Variants in IGF1R observed in about 807,000 individuals in gnomAD.
IGF1R encodes the protein insulin like growth factor 1 receptor.
A neutral mutation model predicts 144.6 loss-of-function variants in IGF1R; 44 were observed. The observed-to-expected ratio is 0.30, with a 90% CI of 0.24 to 0.39. IGF1R has a LOEUF of 0.39. Ranked by LOEUF, IGF1R falls within the 10% of genes least tolerant of loss-of-function variation. IGF1R has a pLI of 1.00. For synonymous variants in IGF1R, 795 were observed against 722.8 expected (o/e 1.10, Z -1.60); for missense variants, 1,355 against 1,833.7 (o/e 0.74, Z 4.77).
At chr15:98,791,340 T>A (rs1408957180) in intron 2 of IGF1R, among the ~76,000 whole-genome samples, 2 of 152,230 alleles carry the variant, frequency 1.3e-5, no homozygotes, top group African/African-American at 4.8e-5. Flanking sequence ...TCCTCTAATA[T>A]TTAGTTTTTA....
intron 2 of IGF1R, among the ~76,000 whole-genome samples, chr15:98,823,273 A>G (rs1468551966): frequency 6.6e-6 from 1 of 152,236 alleles, no homozygotes; most frequent in Non-Finnish European, 1.5e-5. Flanking sequence ...AGGAAGCCGA[A>G]ATGCAAACAA....
intron 2 of IGF1R, among the ~76,000 whole-genome samples, chr15:98,751,553 T>G (rs554595998): frequency 6.6e-6 from 1 of 152,238 alleles, no homozygotes; most frequent in African/African-American, 2.4e-5. Context: ...TCCCCATTGT[T>G]GGGCATTTGC....
intron 2 of IGF1R, among the ~76,000 whole-genome samples, chr15:98,831,861 T>C (rs533015124): frequency 3.0e-4 from 46 of 152,270 alleles, no homozygotes; most frequent in Admixed American, 1.2e-3. Flanking sequence ...TCCTCAGTCT[T>C]GAGCTGGTGG....
chr15:98,906,046 C>T (rs79490218), intron 5 of IGF1R, among the ~76,000 whole-genome samples: 5 of 152,190 alleles, frequency 3.3e-5, no homozygotes. Flanking sequence ...ATATTGGTAT[C>T]CTGGCTCCCA....
intron 2 of IGF1R, among the ~76,000 whole-genome samples, chr15:98,778,217 G>T (rs144598538): frequency 6.6e-6 from 1 of 152,134 alleles, no homozygotes; most frequent in African/African-American, 2.4e-5. Context: ...CGTGGTCCTC[G>T]GAGTCATGCC....
At chr15:98,654,453 G>A (rs1296487194) in intron 1 of IGF1R, among the ~76,000 whole-genome samples, 1 of 152,132 alleles carries the variant, frequency 6.6e-6, no homozygotes, top group Non-Finnish European at 1.5e-5. Context: ...TAGCTTTCTA[G>A]AAATCAGGAA....
Position 98,963,747 on chromosome 15 carries a change from CTATTT to C in IGF1R, c.*6311_*6315del, listed in dbSNP as rs1412571281. ...GCTTTGTTAGAACACAGAAGAGACC[CTATTT>C]TATTTAAGGCAGAACCCCGAAGATA... is the stretch of plus-strand genomic sequence containing the variant. On this transcript the variant is annotated 3_prime_UTR_variant, in exon 21 of 21. Coordinates refer to ENST00000650285, the MANE Select transcript of IGF1R (RefSeq NM_000875.5). The C allele has an allele frequency of 1.1e-4, 26 of 233,014 alleles. No homozygotes were observed. Among genetic ancestry groups the C allele is most frequent in the Admixed American group, 1.7e-4 (3 of 17,770 alleles). 14.4% of individuals were successfully genotyped at this position (233,014 alleles called of 1,614,324 possible).
chr15:98,888,024 C>T (rs149392006), intron 2 of IGF1R, among the ~76,000 whole-genome samples: 2,803 of 152,372 alleles, frequency 0.018, 53 homozygotes, highest in Admixed American at 0.054. Context: ...CTTGCACCCA[C>T]AGTGACCTCG....
At chr15:98,656,604 CATT>C (rs2052491110) in intron 1 of IGF1R, among the ~76,000 whole-genome samples, 1 of 138,344 alleles carries the variant, frequency 7.2e-6, no homozygotes, top group Non-Finnish European at 1.5e-5. Context: ...GTCTGGAAAA[CATT>C]TTTTTTTTGT....
intron 2 of IGF1R, among the ~76,000 whole-genome samples, chr15:98,768,105 C>G (rs959028083): frequency 3.3e-5 from 5 of 152,110 alleles, no homozygotes; most frequent in Non-Finnish European, 7.3e-5. Context: ...ACGGTAGACT[C>G]CTGTGCTGGC....
At chr15:98,711,834 G>A (rs1386118287) in intron 2 of IGF1R, among the ~76,000 whole-genome samples, 1 of 152,126 alleles carries the variant, frequency 6.6e-6, no homozygotes, top group East Asian at 1.9e-4. Flanking sequence ...CAGAAATACT[G>A]CTCACAGTTC....
intron 2 of IGF1R, among the ~76,000 whole-genome samples, chr15:98,751,754 T>C (rs2055016936): frequency 6.6e-6 from 1 of 152,192 alleles, no homozygotes; most frequent in South Asian, 2.1e-4. Context: ...CTGTTGAGAC[T>C]CGGACCTATG....
At chr15:98,702,154 T>C (rs1460757558) in intron 1 of IGF1R, among the ~76,000 whole-genome samples, 1 of 149,362 alleles carries the variant, frequency 6.7e-6, no homozygotes, top group East Asian at 2.0e-4. Flanking sequence ...CTCAGCCAAA[T>C]GCTTTTCTTT....
rs575166610 is a variant in IGF1R, at chr15:98,884,737, A to G, written c.641-6588A>G. Among the ~76,000 whole-genome samples, 8 of 151,438 alleles carry G rather than the reference A, an allele frequency of 5.3e-5. No homozygotes were observed. In the South Asian group the frequency reaches 1.5e-3, roughly 28 times the overall value. On this transcript the variant is annotated intron_variant, in intron 2 of 20. Transcript: ENST00000650285. ...TGTACCCTTCCAGATGGTCCTGGAC[A>G]TATCTTGAATCTACCCTGCTTTTCC...
intron 2 of IGF1R, among the ~76,000 whole-genome samples, chr15:98,825,559 C>T (rs1299515731): frequency 6.6e-6 from 1 of 152,166 alleles, no homozygotes; most frequent in African/African-American, 2.4e-5. Context: ...CTATTGTGAA[C>T]TGAACATGCA....
intron 2 of IGF1R, among the ~76,000 whole-genome samples, chr15:98,809,201 G>A (rs2056532653): frequency 6.6e-6 from 1 of 152,230 alleles, no homozygotes; most frequent in Non-Finnish European, 1.5e-5. Context: ...TGCATGTACT[G>A]AGGATGGAGG....
chr15:98,685,810 G>A (rs2053313205), intron 1 of IGF1R, among the ~76,000 whole-genome samples: 1 of 152,262 alleles, frequency 6.6e-6, no homozygotes, highest in Admixed American at 6.5e-5. Flanking sequence ...CAGCCTTGGA[G>A]CCGCAGCCTC....
intron 2 of IGF1R, among the ~76,000 whole-genome samples, chr15:98,815,489 C>G (rs1394334665): frequency 6.6e-6 from 1 of 152,146 alleles, no homozygotes; most frequent in Non-Finnish European, 1.5e-5. Context: ...AAACAGGGCA[C>G]AATCAGGCTA....
rs771862769 is a variant in IGF1R, at chr15:98,924,706, G to A, written c.2782+22G>A. 4 of 1,603,392 alleles carry A rather than the reference G, an allele frequency of 2.5e-6. No homozygotes were observed. In the African/African-American group the frequency reaches 4.2e-5, roughly 17 times the overall value. On this transcript the variant is annotated intron_variant, in intron 13 of 20. Coordinates refer to ENST00000650285, the MANE Select transcript of IGF1R (RefSeq NM_000875.5). ...AAAAGTAAGGCTTGTGGAGGGAGAA[G>A]AAACGTGGTAAAACTGAAAGCAGGG...
Sources: gnomAD v4.1 joint callset for allele counts (sites outside exome capture counted in the v4.1 genomes callset) on GRCh38, gnomAD v4.1.1 for gene constraint, MANE v1.5 for transcripts, NCBI Gene and HGNC (gene_info 2026-07-23, HGNC 2026-07-21) for gene names.